Variants in ANKRD11 observed in about 807,000 individuals in gnomAD.
ANKRD11 encodes ankyrin repeat domain 11.
In ANKRD11, 17 loss-of-function variants were observed where a neutral mutation model predicts 195.7. That is an observed-to-expected ratio of 0.09 (90% CI 0.06 to 0.13). The LOEUF (loss-of-function observed/expected upper bound fraction) is 0.13, where lower values mean the gene tolerates loss of function less well. Ranked by LOEUF, ANKRD11 falls within the 10% of genes least tolerant of loss-of-function variation. The pLI is 1.00. For missense variants in ANKRD11, 3,735 were observed against 3,566.1 expected (o/e 1.05, Z -1.21); for synonymous variants, 1,953 against 1,528.1 (o/e 1.28, Z -6.49).
rs181487112 is a variant in ANKRD11, at chr16:89,355,594, C to A, written c.-59-38516G>T. The stretch of plus-strand genomic sequence containing the variant: ...CAGACATCGAGTATCACAACCAACT[C>A]AAAAATAGACTGAAATGTCACAGTA... On this transcript the variant is annotated intron_variant, in intron 2 of 12. Coordinates refer to ENST00000301030, the MANE Select transcript of ANKRD11 (RefSeq NM_013275.6). 4.9e-3 allele frequency among the ~76,000 whole-genome samples: 750 copies of A among 152,160 alleles called. 5 individuals are homozygous for A. The highest frequency in any genetic ancestry group is 0.012 in the South Asian group (59 of 4,826).
At chr16:89,360,230 C>T (rs1281953333) in intron 2 of ANKRD11, among the ~76,000 whole-genome samples, 1 of 152,218 alleles carries the variant, frequency 6.6e-6, no homozygotes, top group Non-Finnish European at 1.5e-5. Flanking sequence ...CCATAAAAGA[C>T]ATGATCTCGT....
chr16:89,428,146 T>C (rs927616640), intron 1 of ANKRD11, among the ~76,000 whole-genome samples: 3 of 152,048 alleles, frequency 2.0e-5, no homozygotes, highest in African/African-American at 7.2e-5. Flanking sequence ...AGGCAGAGGT[T>C]GCAGTGAGCC....
chr16:89,274,025 G>C (rs1209344866), intron 11 of ANKRD11, among the ~76,000 whole-genome samples: 3 of 152,206 alleles, frequency 2.0e-5, no homozygotes, highest in African/African-American at 7.2e-5. Flanking sequence ...GCTCCGAGGA[G>C]GAGGGAGGGG....
intron 4 of ANKRD11, among the ~76,000 whole-genome samples, chr16:89,302,450 T>C (rs1372504315): frequency 6.6e-6 from 1 of 152,120 alleles, no homozygotes; most frequent in Admixed American, 6.6e-5. Context: ...ACAGGGTTTC[T>C]TCATGTTGGT....
intron 1 of ANKRD11, chr16:89,443,417 A>G (rs899530052): frequency 2.0e-5 from 3 of 152,266 alleles, no homozygotes; most frequent in East Asian, 3.9e-4. Flanking sequence ...GAAGCATTCC[A>G]TACTTTAAAA....
At chr16:89,402,574 C>T (rs546697343) in intron 2 of ANKRD11, among the ~76,000 whole-genome samples, 4 of 143,584 alleles carry the variant, frequency 2.8e-5, no homozygotes, top group South Asian at 4.7e-4. Flanking sequence ...CCCAGCTACT[C>T]GGGAGGCTGA....
At chr16:89,396,963 T>TA (rs2041465010) in intron 2 of ANKRD11, among the ~76,000 whole-genome samples, 1 of 150,556 alleles carries the variant, frequency 6.6e-6, no homozygotes, top group Non-Finnish European at 1.5e-5. Flanking sequence ...CTGGTGGGAT[T>TA]ATAGGCATGA....
intron 7 of ANKRD11, chr16:89,287,792 C>T: frequency 5.0e-6 from 1 of 200,426 alleles, no homozygotes. Flanking sequence ...TCTTTAAGGC[C>T]AAGGCACTGT....
intron 2 of ANKRD11, among the ~76,000 whole-genome samples, chr16:89,359,788 T>C (rs186695659): frequency 1.8e-4 from 28 of 152,360 alleles, no homozygotes; most frequent in Admixed American, 7.8e-4. Flanking sequence ...CTACATTCTA[T>C]GTGATGCAGA....
intron 4 of ANKRD11, among the ~76,000 whole-genome samples, chr16:89,301,164 T>C (rs2035831672): frequency 6.6e-6 from 1 of 152,202 alleles, no homozygotes; most frequent in Non-Finnish European, 1.5e-5. Context: ...TGGAGGGCAG[T>C]GGCGCAATCA....
Position 89,282,345 on chromosome 16 carries a change from C to T in ANKRD11, c.4197G>A (p.Ala1399=), listed in dbSNP as rs767247446. ...TGTTGTAAGAAACTCCGTAAGCATCCGCCTCCAGGAAGTCCTTTTCGTACT... is the reference window on the plus strand; with the variant it reads ...TGTTGTAAGAAACTCCGTAAGCATCTGCCTCCAGGAAGTCCTTTTCGTACT... ...SGQYEKDFLE[A]DAYGVSYNMK... Residue 1399 remains alanine (A), a synonymous_variant, in exon 9 of 13, where the codon GCG becomes GCA. Transcript: ENST00000301030. 3.1e-6 allele frequency: 5 copies of T among 1,614,172 alleles called. No individual in the cohort carries two copies. In the South Asian group the frequency reaches 3.3e-5, roughly 11 times the overall value.
intron 1 of ANKRD11, among the ~76,000 whole-genome samples, chr16:89,468,823 C>G (rs1409230772): frequency 6.6e-6 from 1 of 152,216 alleles, no homozygotes; most frequent in Non-Finnish European, 1.5e-5. Flanking sequence ...CAGGGCTCAG[C>G]TGACACCCTG....
chr16:89,474,651 C>T (rs2057196787), intron 1 of ANKRD11, among the ~76,000 whole-genome samples: 2 of 152,058 alleles, frequency 1.3e-5, no homozygotes, highest in South Asian at 4.2e-4. Flanking sequence ...GATGCCAACC[C>T]CACTGAGACC....
At position 89,291,286 on chromosome 16, in the gene ANKRD11, A is replaced by G. The variant is rs1356297684; in HGVS notation, c.227-103T>C. 1 of 1,406,542 alleles carries G rather than the reference A, an allele frequency of 7.1e-7. No homozygotes were observed. Among genetic ancestry groups the G allele is most frequent in the Non-Finnish European group, 9.8e-7 (1 of 1,019,890 alleles). The allele number at this position is 1,406,542 out of a possible 1,614,324, so 87.1% of individuals were successfully genotyped here. The stretch of plus-strand genomic sequence containing the variant: ...TTACGGAGCCCCCTGCGTCCACCTG[A>G]CAGCTGACAGAGCAGAAAGGAAGGT... On this transcript the variant is annotated intron_variant, in intron 4 of 12. Coordinates refer to ENST00000301030, the MANE Select transcript of ANKRD11 (RefSeq NM_013275.6). The surrounding 1 kb of genome is among the most constrained non-coding windows in gnomAD (Gnocchi z 5.3).
chr16:89,467,711 T>C (rs1001895056), intron 1 of ANKRD11, among the ~76,000 whole-genome samples: 10 of 152,142 alleles, frequency 6.6e-5, no homozygotes, highest in East Asian at 1.9e-4. Context: ...CCAAATGCTG[T>C]TGTGAATCTA....
chr16:89,439,135 T>C (rs987048307), intron 1 of ANKRD11, among the ~76,000 whole-genome samples: 2 of 152,118 alleles, frequency 1.3e-5, no homozygotes, highest in African/African-American at 4.8e-5. Flanking sequence ...TGGCACGTTG[T>C]TCAAATCCAC....
intron 1 of ANKRD11, among the ~76,000 whole-genome samples, chr16:89,439,529 G>A (rs2043356304): frequency 6.6e-6 from 1 of 152,184 alleles, no homozygotes; most frequent in African/African-American, 2.4e-5. Flanking sequence ...CAGTGATCCA[G>A]GGATATGGGT....
intron 9 of ANKRD11, among the ~76,000 whole-genome samples, chr16:89,276,571 T>A (rs554073976): frequency 3.3e-5 from 5 of 152,238 alleles, no homozygotes; most frequent in South Asian, 2.1e-4. Context: ...ACCACACTGC[T>A]GACCGACACT....
At position 89,442,698 on chromosome 16, in the gene ANKRD11, C is replaced by T. The variant is rs547291924; in HGVS notation, c.-144-24330G>A. Among the ~76,000 whole-genome samples the T allele has an allele frequency of 3.7e-4, 57 of 152,338 alleles. No individual in the cohort carries two copies. In the East Asian group the frequency reaches 0.01, roughly 28 times the overall value. On this transcript the variant is annotated intron_variant, in intron 1 of 12. Transcript: ENST00000301030. ...CTGACACGGTTAGTCCTTTCCTCCC[C>T]ACCACCCACCAGGAATGTTGCTGGA...
Sources: allele counts gnomAD v4.1 joint callset (sites outside exome capture counted in the v4.1 genomes callset), GRCh38; gene constraint gnomAD v4.1.1; non-coding constraint Gnocchi (gnomAD v3.1); transcripts MANE v1.5; gene names NCBI Gene and HGNC (gene_info 2026-07-23, HGNC 2026-07-21).